BRD9: variants seen among roughly 807,000 people sequenced by gnomAD.
BRD9 encodes bromodomain-containing protein 9.
In BRD9, 47 loss-of-function variants were observed where a neutral mutation model predicts 68.7. That is an observed-to-expected ratio of 0.68 (90% CI 0.54 to 0.87). The LOEUF (loss-of-function observed/expected upper bound fraction) is 0.87. BRD9 is among the 40% of genes least tolerant of loss of function. The pLI, the probability that BRD9 is intolerant of heterozygous loss-of-function variation, is 0.00. For synonymous variants in BRD9, 313 were observed against 293.9 expected (o/e 1.06, Z -0.67); for missense variants, 670 against 748.4 (o/e 0.90, Z 1.22).
chr5:883,317 G>A (rs752897382), intron 8 of BRD9: 1 of 456,752 alleles, frequency 2.2e-6, no homozygotes, highest in Non-Finnish European at 4.4e-6. Flanking sequence ...GTTGGATATA[G>A]AGGTGAAATG....
intron 14 of BRD9, 199 bp from the exon 15 acceptor site, chr5:865,780 G>A: frequency 1.8e-6 from 1 of 563,370 alleles, no homozygotes; most frequent in Non-Finnish European, 3.1e-6. Context: ...GTGAAGGGAA[G>A]GCAGACACCC....
intron 12 of BRD9, among the ~76,000 whole-genome samples, chr5:873,506 GC>G (rs1420434699): frequency 1.3e-5 from 2 of 152,088 alleles, no homozygotes; most frequent in African/African-American, 4.8e-5. Context: ...TGCAGATACC[GC>G]CCTTCTAGGC....
At chr5:886,514 T>G (rs910825804) in intron 7 of BRD9, 78 bp downstream of exon 7, 1 of 1,329,108 alleles carries the variant, frequency 7.5e-7, no homozygotes, top group Admixed American at 2.0e-5. Context: ...ACTCACTCAC[T>G]CTCCCCTACA....
intron 8 of BRD9, chr5:883,544 T>G (rs919961589): frequency 7.4e-6 from 3 of 405,766 alleles, no homozygotes; most frequent in African/African-American, 2.1e-5. Context: ...GGTGGCCTAT[T>G]ATGGACCATC....
At chr5:875,144 G>C (rs78752061) in intron 12 of BRD9, among the ~76,000 whole-genome samples, 1 of 152,204 alleles carries the variant, frequency 6.6e-6, no homozygotes, top group African/African-American at 2.4e-5. Context: ...CCGTCCTGCC[G>C]AGGGCCCGGG....
intron 3 of BRD9, chr5:889,855 A>AACCTTGT: frequency 1.8e-6 from 2 of 1,086,308 alleles, no homozygotes; most frequent in South Asian, 2.6e-5. Flanking sequence ...GGAGTCATAA[A>AACCTTGT]AATCTCTTGT....
At chr5:865,690 A>C in intron 14 of BRD9, 109 bp from the exon 15 acceptor site, 1 of 1,240,346 alleles carries the variant, frequency 8.1e-7, no homozygotes, top group Non-Finnish European at 1.1e-6. Flanking sequence ...CAGGACAATA[A>C]TTGCTCTGGA....
intron 1 of BRD9, 41 bp from the exon 2 acceptor site, chr5:891,895 G>A (rs1415183127): frequency 3.2e-6 from 5 of 1,546,986 alleles, no homozygotes; most frequent in Non-Finnish European, 8.7e-7. Flanking sequence ...GTGCTCAGGT[G>A]CAAACGCCAC....
intron 1 of BRD9, chr5:892,101 G>A: frequency 1.7e-6 from 1 of 573,758 alleles, no homozygotes; most frequent in African/African-American, 1.9e-5. Flanking sequence ...GGCCCTGTGG[G>A]ATGTTGTTCA....
rs1033481868 is a variant in BRD9 at position 891,752 on chromosome 5, T to C, written c.155A>G (p.Tyr52Cys). 1.9e-6 allele frequency: 3 copies of C among 1,551,616 alleles called. No homozygotes were observed. The Admixed American group carries it at 5.9e-5, about 30-fold the overall frequency. Residue 52 changes from tyrosine (Y) to cysteine (C), a missense_variant, in exon 2 of 16, where the codon TAT becomes TGT. This residue lies in a region of BRD9 where 161 missense variants were observed against 148.1 expected (regional missense o/e 1.09). Transcript: ENST00000467963. ...LSGSGHDSSY[Y>C]DDRSDHERER... ...TCGCTCATGGTCTGACCTGTCATCA[T>C]AGTAACTGGAGTCGTGGCCGGATCC...
intron 12 of BRD9, among the ~76,000 whole-genome samples, chr5:871,839 G>A (rs1333097065): frequency 5.9e-5 from 9 of 152,220 alleles, no homozygotes; most frequent in Non-Finnish European, 8.8e-5. Context: ...GAGAGAGGAC[G>A]CCGATGCTGT....
chr5:892,037 T>G, intron 1 of BRD9, 183 bp from the exon 2 acceptor site: 1 of 983,254 alleles, frequency 1.0e-6, no homozygotes, highest in Non-Finnish European at 1.4e-6. Context: ...TTGTTCTCCC[T>G]TCCCCTCCGC....
Position 892,360 on chromosome 5 carries a change from C to T in BRD9, c.52+246G>A, listed in dbSNP as rs1027133343. ...CAGATGCTTCCCTAGTCTCCAGGAC[C>T]GGGGTGAGTGGGCTTGCAGCCTCGA... On this transcript the variant is annotated intron_variant, in intron 1 of 15. Transcript: ENST00000467963. The T allele has an allele frequency of 7.0e-6, 6 of 854,120 alleles. No individual in the cohort carries two copies. In the African/African-American group the frequency reaches 9.0e-5, roughly 13 times the overall value. 52.9% of individuals were successfully genotyped at this position (854,120 alleles called of 1,614,324 possible).
chr5:883,558 C>T (rs1027392381), intron 8 of BRD9: 14 of 391,754 alleles, frequency 3.6e-5, no homozygotes, highest in South Asian at 7.8e-5. Context: ...GACCATCTGT[C>T]GGATCCAACA....
chr5:872,035 G>A (rs769314342), intron 12 of BRD9, among the ~76,000 whole-genome samples: 18 of 152,188 alleles, frequency 1.2e-4, no homozygotes, highest in Admixed American at 8.5e-4. Flanking sequence ...GGCAGTGCCT[G>A]TGGCAGGTGG....
intron 7 of BRD9, among the ~76,000 whole-genome samples, chr5:885,293 T>A (rs1023028792): frequency 6.6e-6 from 1 of 152,134 alleles, no homozygotes; most frequent in African/African-American, 2.4e-5. Context: ...AGCAACACAC[T>A]CTGGCCACGC....
chr5:878,303 GGCACAGCTCAA>G lies in BRD9; in HGVS notation c.1271+41_1271+51del, dbSNP rs1213902095. Reference sequence around the variant, plus strand: ...TGTGGGACTCCACGTCCCACACCAGGGCACAGCTCAAGCTGCACAGCAGCCAAGGGCTCCCC... The same window carrying G: ...TGTGGGACTCCACGTCCCACACCAGGGCTGCACAGCAGCCAAGGGCTCCCC... On this transcript the variant is annotated intron_variant, in intron 11 of 15. Transcript: ENST00000467963. 2.5e-6 allele frequency: 4 copies of G among 1,603,936 alleles called. No individual in the cohort carries two copies. The African/African-American group carries it at 5.3e-5, about 21-fold the overall frequency.
At chr5:864,699 C>G (rs1749082253) in intron 15 of BRD9, 131 bp from the exon 16 acceptor site, 1 of 703,542 alleles carries the variant, frequency 1.4e-6, no homozygotes, top group Admixed American at 2.7e-5. Flanking sequence ...AGGGGCACCT[C>G]TCACTCCCTG....
Position 865,399 on chromosome 5 carries a change from G to A in BRD9, c.1693+15C>T, listed in dbSNP as rs764327249. On this transcript the variant is annotated intron_variant, in intron 15 of 15. Coordinates refer to ENST00000467963, the MANE Select transcript of BRD9 (RefSeq NM_023924.5). ...TGGGGTCTCTGGGGATGCGGCGTGG[G>A]TGGGGGCATCTCACCCAGGTGGTGC... 1 of 1,561,258 alleles carries A rather than the reference G, an allele frequency of 6.4e-7. No individual in the cohort carries two copies.
Sources: gnomAD v4.1 joint callset for allele counts (sites outside exome capture counted in the v4.1 genomes callset) on GRCh38, gnomAD v4.1.1 for gene constraint, gnomAD v4.1.1 regional missense constraint, MANE v1.5 for transcripts, NCBI Gene and HGNC (gene_info 2026-07-23, HGNC 2026-07-21) for gene names.